Variants in MYMX observed in about 807,000 individuals in gnomAD.
MYMX encodes the protein myomixer, myoblast fusion factor.
chr6:44,217,604 A>C lies in MYMX; in HGVS notation c.133A>C (p.Met45Leu). The stretch of plus-strand genomic sequence containing the variant: ...GGCCCGCCGCCTGGGCTCCCAGGAC[A>C]TGCGAGAGGCTTTGCTGGGCTGTCT... ...RLARRLGSQD[M>L]REALLGCLLF... Residue 45 changes from methionine to leucine, a missense_variant, in exon 2 of 2, where the codon ATG becomes CTG. By Grantham distance (15) the Met-to-Leu change is conservative. Coordinates refer to ENST00000573382, the MANE Select transcript of MYMX (RefSeq NM_001315494.2). The C allele has an allele frequency of 2.5e-6, 1 of 401,740 alleles. No homozygotes were observed. Among genetic ancestry groups the C allele is most frequent in the East Asian group, 3.6e-5 (1 of 28,080 alleles). The allele number at this position is 401,740 out of a possible 1,614,324, so 24.9% of individuals were successfully genotyped here.
chr6:44,215,665 C>T (rs902771804), upstream of MYMX, among the ~76,000 whole-genome samples: 7 of 152,126 alleles, frequency 4.6e-5, no homozygotes, highest in South Asian at 2.1e-4. Context: ...GAGGCCAAGA[C>T]GGGTGGAGCA....
At chr6:44,206,118 C>CAGGTA in the MYMX span, among the ~76,000 whole-genome samples, 1 of 151,910 alleles carries the variant, frequency 6.6e-6, no homozygotes, top group Non-Finnish European at 1.5e-5. Context: ...TGCAGGATTC[C>CAGGTA]AGGTAAGATT....
chr6:44,214,167 T>A (rs560510899), upstream of MYMX, among the ~76,000 whole-genome samples: 6 of 152,186 alleles, frequency 3.9e-5, no homozygotes, highest in South Asian at 1.2e-3. Context: ...GGCCACTGTG[T>A]GGAAAAGAGA....
At chr6:44,201,378 G>A in the MYMX span, among the ~76,000 whole-genome samples, 1 of 152,164 alleles carries the variant, frequency 6.6e-6, no homozygotes, top group Non-Finnish European at 1.5e-5. Context: ...CCTGCTCCTT[G>A]GTAACATCAC....
chr6:44,196,644 C>G, the MYMX span, among the ~76,000 whole-genome samples: 1 of 152,004 alleles, frequency 6.6e-6, no homozygotes, highest in Non-Finnish European at 1.5e-5. Context: ...GCCTGGGCTA[C>G]AGAGTAAGGC....
upstream of MYMX, among the ~76,000 whole-genome samples, chr6:44,214,013 C>T (rs994887867): frequency 2.6e-5 from 4 of 152,096 alleles, no homozygotes; most frequent in African/African-American, 9.7e-5. Context: ...GAGACAGAGT[C>T]TCACTATGTT....
the MYMX span, among the ~76,000 whole-genome samples, chr6:44,200,634 T>G: frequency 6.6e-6 from 1 of 152,160 alleles, no homozygotes; most frequent in East Asian, 1.9e-4. Flanking sequence ...TTATTAGATT[T>G]TTTTCCCTGT....
chr6:44,216,377 C>T (rs1011081964), upstream of MYMX, among the ~76,000 whole-genome samples: 7 of 151,628 alleles, frequency 4.6e-5, no homozygotes, highest in Admixed American at 1.3e-4. Context: ...GGGCTGGGCA[C>T]GGTGGCTCAG....
chr6:44,211,890 C>A, the MYMX span, among the ~76,000 whole-genome samples: 1 of 151,042 alleles, frequency 6.6e-6, no homozygotes, highest in Non-Finnish European at 1.5e-5. Context: ...AAGTGATCTG[C>A]CACCTCCTCC....
the MYMX span, among the ~76,000 whole-genome samples, chr6:44,206,448 T>A: frequency 6.6e-6 from 1 of 152,118 alleles, no homozygotes; most frequent in Non-Finnish European, 1.5e-5. Flanking sequence ...GCCAGGCTGG[T>A]CTAAAACTCC....
chr6:44,204,757 C>T, the MYMX span, among the ~76,000 whole-genome samples: 1 of 152,110 alleles, frequency 6.6e-6, no homozygotes, highest in African/African-American at 2.4e-5. Context: ...TTGTGTAGCT[C>T]AGGATAGTAC....
the MYMX span, among the ~76,000 whole-genome samples, chr6:44,210,779 T>C: frequency 6.6e-6 from 1 of 152,242 alleles, no homozygotes; most frequent in Non-Finnish European, 1.5e-5. Context: ...CTTCTTATTA[T>C]AAAGGAACTA....
At chr6:44,208,736 G>A in the MYMX span, among the ~76,000 whole-genome samples, 1 of 152,198 alleles carries the variant, frequency 6.6e-6, no homozygotes, top group Non-Finnish European at 1.5e-5. Flanking sequence ...GAGTGGCAAG[G>A]ATCACTTTGC....
upstream of MYMX, among the ~76,000 whole-genome samples, chr6:44,214,773 G>A (rs1476192714): frequency 7.2e-5 from 11 of 152,006 alleles, no homozygotes; most frequent in African/African-American, 1.4e-4. Context: ...GGGTTTCACC[G>A]TGTTGGCCAG....
the MYMX span, among the ~76,000 whole-genome samples, chr6:44,208,460 T>C: frequency 6.6e-6 from 1 of 152,112 alleles, no homozygotes. Context: ...CACCTTCTTA[T>C]ACTCCTGTTT....
chr6:44,197,901 A>G, the MYMX span, among the ~76,000 whole-genome samples: 1 of 152,072 alleles, frequency 6.6e-6, no homozygotes, highest in African/African-American at 2.4e-5. Flanking sequence ...TGATTATAAA[A>G]GTATGTTACT....
the MYMX span, among the ~76,000 whole-genome samples, chr6:44,196,877 G>A: frequency 6.6e-6 from 1 of 152,226 alleles, no homozygotes; most frequent in African/African-American, 2.4e-5. Flanking sequence ...AGAATCGCTT[G>A]AACCTGGGAG....
chr6:44,194,952 C>T, the MYMX span, among the ~76,000 whole-genome samples: 5 of 151,992 alleles, frequency 3.3e-5, no homozygotes, highest in Admixed American at 2.6e-4. Flanking sequence ...GCCGTATATT[C>T]GCCACCAAGA....
At chr6:44,199,417 C>T in the MYMX span, among the ~76,000 whole-genome samples, 228 of 152,144 alleles carry the variant, frequency 1.5e-3, 1 homozygote, top group Admixed American at 3.6e-3. Context: ...AGGCTGATCT[C>T]GAACTCCTCG....
Sources: allele counts gnomAD v4.1 joint callset (sites outside exome capture counted in the v4.1 genomes callset), GRCh38; gene constraint gnomAD v4.1.1; transcripts MANE v1.5; gene names NCBI Gene and HGNC (gene_info 2026-07-23, HGNC 2026-07-21).